Variants in RBFOX1 observed in about 807,000 individuals in gnomAD.
RBFOX1 encodes the protein RNA binding protein fox-1 homolog 1.
Under a neutral mutation model 57.7 loss-of-function variants are expected in RBFOX1, and 8 were observed. The observed-to-expected ratio is 0.14, with a 90% CI of 0.08 to 0.25. The LOEUF (loss-of-function observed/expected upper bound fraction) is 0.25, where lower values mean the gene tolerates loss of function less well. Ranked by LOEUF, RBFOX1 falls within the 10% of genes least tolerant of loss-of-function variation. The pLI, the probability that RBFOX1 is intolerant of heterozygous loss-of-function variation, is 1.00. For missense variants in RBFOX1, 611 were observed against 548.5 expected (o/e 1.11, Z -1.14); for synonymous variants, 326 against 222.4 (o/e 1.47, Z -4.15).
At chr16:6,458,736 A>T (rs1252584337) in intron 2 of RBFOX1, among the ~76,000 whole-genome samples, 1 of 152,218 alleles carries the variant, frequency 6.6e-6, no homozygotes, top group Non-Finnish European at 1.5e-5. Context: ...AGGAATGAAA[A>T]ACGGTATCTG....
intron 3 of RBFOX1, among the ~76,000 whole-genome samples, chr16:6,739,600 G>C (rs2071434558): frequency 6.6e-6 from 1 of 151,448 alleles, no homozygotes; most frequent in African/African-American, 2.4e-5. Flanking sequence ...AGGTGGGCCA[G>C]GTGGGGTGGC....
chr16:7,311,526 C>G (rs1267725231), intron 4 of RBFOX1, among the ~76,000 whole-genome samples: 1 of 142,912 alleles, frequency 7.0e-6, no homozygotes, highest in Non-Finnish European at 1.5e-5. Context: ...GGATTCGCCT[C>G]AATGACTAGA....
intron 1 of RBFOX1, among the ~76,000 whole-genome samples, chr16:6,135,891 C>G (rs2096663589): frequency 1.3e-5 from 2 of 148,842 alleles, no homozygotes; most frequent in African/African-American, 2.5e-5. Context: ...GCCTCCCAGG[C>G]TCAAGTGATT....
intron 4 of RBFOX1, among the ~76,000 whole-genome samples, chr16:5,993,413 GA>G (rs1397548998): frequency 8.1e-4 from 122 of 150,650 alleles, no homozygotes; most frequent in African/African-American, 2.6e-3. Flanking sequence ...GAGAGAGAGA[GA>G]GAGAGAAGGA....
intron 4 of RBFOX1, among the ~76,000 whole-genome samples, chr16:7,394,547 C>G (rs1367522768): frequency 6.6e-6 from 1 of 152,158 alleles, no homozygotes; most frequent in Non-Finnish European, 1.5e-5. Flanking sequence ...TTCCCATCTT[C>G]TTGCGTTTCC....
At chr16:7,012,175 C>G (rs1421545432) in intron 3 of RBFOX1, among the ~76,000 whole-genome samples, 1 of 152,112 alleles carries the variant, frequency 6.6e-6, no homozygotes, top group Non-Finnish European at 1.5e-5. Context: ...ATTTATTGAC[C>G]ATCACTGAAT....
At chr16:6,370,366 A>C in intron 2 of RBFOX1, among the ~76,000 whole-genome samples, 1 of 74,214 alleles carries the variant, frequency 1.3e-5, no homozygotes, top group Non-Finnish European at 2.6e-5. Flanking sequence ...TCAAAAGAAA[A>C]AAAAAAAAAA....
intron 4 of RBFOX1, among the ~76,000 whole-genome samples, chr16:7,063,079 C>T (rs1376498666): frequency 6.6e-6 from 1 of 151,938 alleles, no homozygotes; most frequent in Non-Finnish European, 1.5e-5. Flanking sequence ...CCTGCAATGC[C>T]TCCCTGATGC....
intron 11 of RBFOX1, among the ~76,000 whole-genome samples, chr16:7,638,804 C>G (rs1299568890): frequency 1.3e-5 from 2 of 152,044 alleles, no homozygotes; most frequent in Non-Finnish European, 2.9e-5. Flanking sequence ...CAAAAATGGT[C>G]TGTAGGCCAG....
chr16:5,875,444 T>C (rs1323262198), intron 4 of RBFOX1, among the ~76,000 whole-genome samples: 2 of 152,206 alleles, frequency 1.3e-5, no homozygotes, highest in Non-Finnish European at 2.9e-5. Context: ...GTCTCGTTTG[T>C]CTGTTACATA....
At chr16:7,177,179 C>T (rs971168998) in intron 4 of RBFOX1, among the ~76,000 whole-genome samples, 1 of 152,186 alleles carries the variant, frequency 6.6e-6, no homozygotes, top group East Asian at 1.9e-4. Context: ...GAGTAGTTTT[C>T]CCCACATGGA....
intron 4 of RBFOX1, among the ~76,000 whole-genome samples, chr16:7,187,513 C>A (rs996801631): frequency 1.3e-5 from 2 of 151,178 alleles, no homozygotes; most frequent in African/African-American, 2.4e-5. Context: ...CACAGTGAAA[C>A]CCCATCTCTA....
At chr16:5,331,844 C>G (rs2064765869) in intron 1 of RBFOX1, among the ~76,000 whole-genome samples, 1 of 152,192 alleles carries the variant, frequency 6.6e-6, no homozygotes, top group Admixed American at 6.5e-5. Flanking sequence ...GTGACCATGC[C>G]CACCCTGGGC....
At chr16:5,504,069 C>T (rs1481978714) in intron 2 of RBFOX1, among the ~76,000 whole-genome samples, 1 of 152,220 alleles carries the variant, frequency 6.6e-6, no homozygotes, top group Non-Finnish European at 1.5e-5. Flanking sequence ...GCATCTGGAG[C>T]AGCATCTCCA....
At chr16:6,856,508 T>C (rs13333799) in intron 3 of RBFOX1, among the ~76,000 whole-genome samples, 5,934 of 152,124 alleles carry the variant, frequency 0.039, 287 homozygotes, top group East Asian at 0.2. Flanking sequence ...TCTAGAAATA[T>C]CAAATTGGTA....
At chr16:6,611,947 C>G (rs1346093262) in intron 2 of RBFOX1, among the ~76,000 whole-genome samples, 1 of 152,046 alleles carries the variant, frequency 6.6e-6, no homozygotes, top group Non-Finnish European at 1.5e-5. Flanking sequence ...GCAGTCACCT[C>G]TTCCTCAATT....
At chr16:6,743,697 C>G (rs968220582) in intron 3 of RBFOX1, among the ~76,000 whole-genome samples, 1 of 151,790 alleles carries the variant, frequency 6.6e-6, no homozygotes, top group Admixed American at 6.6e-5. Context: ...GGGCTGTCAT[C>G]ACACCACTGT....
chr16:7,666,883 G>T lies in RBFOX1; in HGVS notation c.930+1915G>T, dbSNP rs555087274. ...ATCATGTTTGGGCCAAGCCCACTGG[G>T]TGCAGCGGTGCAGCTCGGGAAGCAT... On this transcript the variant is annotated intron_variant, in intron 13 of 15. Transcript: ENST00000550418. Among the ~76,000 whole-genome samples, 5 of 152,248 alleles carry T rather than the reference G, an allele frequency of 3.3e-5. No individual in the cohort carries two copies. The East Asian group carries it at 9.7e-4, about 29-fold the overall frequency.
chr16:7,278,872 A>G (rs1027537921), intron 4 of RBFOX1, among the ~76,000 whole-genome samples: 1 of 152,178 alleles, frequency 6.6e-6, no homozygotes, highest in African/African-American at 2.4e-5. Flanking sequence ...GCCTAAATTT[A>G]TCTTGTCGAA....
Sources: gnomAD v4.1 joint callset for allele counts (sites outside exome capture counted in the v4.1 genomes callset) on GRCh38, gnomAD v4.1.1 for gene constraint, MANE v1.5 for transcripts, NCBI Gene and HGNC (gene_info 2026-07-23, HGNC 2026-07-21) for gene names.